The following ASIC2 variants were observed in gnomAD, a reference collection of about 807,000 sequenced individuals.
ASIC2 encodes acid-sensing ion channel 2.
Under a neutral mutation model 57.3 loss-of-function variants are expected in ASIC2, and 25 were observed. The observed-to-expected ratio is 0.44, with a 90% confidence interval of 0.32 to 0.61. The LOEUF (loss-of-function observed/expected upper bound fraction) is 0.61, where lower values mean the gene tolerates loss of function less well. Ranked by LOEUF, ASIC2 falls within the 20% of genes least tolerant of loss-of-function variation. The pLI, the probability that ASIC2 is intolerant of heterozygous loss-of-function variation, is 0.06. For missense variants in ASIC2, 641 were observed against 738.1 expected (o/e 0.87, Z 1.52); for synonymous variants, 319 against 307.5 (o/e 1.04, Z -0.39).
intron 1 of ASIC2, among the ~76,000 whole-genome samples, chr17:33,648,910 G>A (rs1001664622): frequency 2.6e-5 from 4 of 152,034 alleles, no homozygotes; most frequent in African/African-American, 4.8e-5. Flanking sequence ...GAAATAGAGG[G>A]GCTGTTCTTA....
At chr17:33,866,596 AATTTTATTCAACTCT>A (rs1468605303) in intron 1 of ASIC2, among the ~76,000 whole-genome samples, 1 of 152,166 alleles carries the variant, frequency 6.6e-6, no homozygotes, top group African/African-American at 2.4e-5. Flanking sequence ...TTCTTAAGTT[AATTTTATTCAACTCT>A]CTGATTCTTT....
chr17:33,082,184 C>T lies in ASIC2; in HGVS notation c.987+6679G>A, dbSNP rs144771942. ...TGTTTCTGAGGCTGTCAAATATAAA[C>T]CCAGGGCCAAGATTTCCAGGAAATT... On this transcript the variant is annotated intron_variant, in intron 3 of 9. Transcript: ENST00000225823. Among the ~76,000 whole-genome samples the T allele has an allele frequency of 9.9e-5, 15 of 152,054 alleles. No homozygotes were observed. The East Asian group carries it at 2.7e-3, about 28-fold the overall frequency.
intron 1 of ASIC2, among the ~76,000 whole-genome samples, chr17:33,290,158 C>G (rs1286535550): frequency 6.6e-6 from 1 of 152,236 alleles, no homozygotes; most frequent in Non-Finnish European, 1.5e-5. Flanking sequence ...GCCAGCAGGA[C>G]AAGATTGAAG....
intron 1 of ASIC2, among the ~76,000 whole-genome samples, chr17:33,149,701 A>G (rs1481930129): frequency 3.3e-5 from 5 of 152,226 alleles, no homozygotes; most frequent in African/African-American, 4.8e-5. Flanking sequence ...TTGAAAAAAA[A>G]ATTTGCCAAT....
At chr17:33,824,321 G>A (rs1036401437) in intron 1 of ASIC2, among the ~76,000 whole-genome samples, 1 of 152,106 alleles carries the variant, frequency 6.6e-6, no homozygotes, top group African/African-American at 2.4e-5. Flanking sequence ...TTGTGAAGAA[G>A]GAAATTAAAA....
chr17:33,021,356 A>C, intron 6 of ASIC2, 46 bp from the exon 7 acceptor site: 1 of 1,437,142 alleles, frequency 7.0e-7, no homozygotes, highest in Admixed American at 1.8e-5. Context: ...AGCTATCAGC[A>C]TTCACAGGGA....
intron 2 of ASIC2, among the ~76,000 whole-genome samples, chr17:33,091,492 C>G (rs1190959391): frequency 6.6e-6 from 1 of 151,996 alleles, no homozygotes; most frequent in Non-Finnish European, 1.5e-5. Flanking sequence ...AATCTTACAG[C>G]CAGTAAGACA....
chr17:34,042,213 T>A (rs768962936), intron 1 of ASIC2, among the ~76,000 whole-genome samples: 1 of 152,184 alleles, frequency 6.6e-6, no homozygotes, highest in Non-Finnish European at 1.5e-5. Flanking sequence ...CACAGCCCTT[T>A]CACCTCACAT....
chr17:33,430,687 C>T (rs948214764), intron 1 of ASIC2, among the ~76,000 whole-genome samples: 1 of 152,124 alleles, frequency 6.6e-6, no homozygotes, highest in African/African-American at 2.4e-5. Context: ...TCCAGTGTAA[C>T]CAGACATTGT....
intron 1 of ASIC2, among the ~76,000 whole-genome samples, chr17:33,471,507 T>A (rs1044888333): frequency 1.3e-5 from 2 of 152,238 alleles, no homozygotes; most frequent in African/African-American, 4.8e-5. Flanking sequence ...GTACTTGATT[T>A]GCTCACAGTT....
Position 33,355,097 on chromosome 17 carries a change from A to C in ASIC2, c.556-243030T>G, listed in dbSNP as rs184782905. On this transcript the variant is annotated intron_variant, in intron 1 of 9. Coordinates refer to the ASIC2 transcript ENST00000359872. The stretch of plus-strand genomic sequence containing the variant: ...GTGCTAATTGGTGCCAGATAAAACA[A>C]AAAGCAATGTGGATCACCTGAGATC... Among the ~76,000 whole-genome samples the C allele has an allele frequency of 2.9e-3, 447 of 152,270 alleles. 5 individuals are homozygous for C. Among genetic ancestry groups the C allele is most frequent in the Non-Finnish European group, 3.7e-3 (249 of 68,026 alleles).
At position 33,709,207 on chromosome 17, in the gene ASIC2, G is replaced by T. The variant is rs1646554114; in HGVS notation, c.555+446771C>A. Among the ~76,000 whole-genome samples, 3 of 152,090 alleles carry T rather than the reference G, an allele frequency of 2.0e-5. No individual in the cohort carries two copies. The South Asian group carries it at 6.2e-4, about 32-fold the overall frequency. Reference sequence around the variant, plus strand: ...CAACTGCCTGTTTCCCTCATTTCCAGTTTTTCCTCATAGTCTTCTTGAAAT... The same window carrying T: ...CAACTGCCTGTTTCCCTCATTTCCATTTTTTCCTCATAGTCTTCTTGAAAT... On this transcript the variant is annotated intron_variant, in intron 1 of 9. Transcript: ENST00000359872.
At chr17:33,860,176 A>G (rs1271752408) in intron 1 of ASIC2, among the ~76,000 whole-genome samples, 2 of 152,202 alleles carry the variant, frequency 1.3e-5, no homozygotes, top group Non-Finnish European at 1.5e-5. Flanking sequence ...TAAGAATAAA[A>G]TGAGATAAGG....
intron 1 of ASIC2, among the ~76,000 whole-genome samples, chr17:34,131,357 CA>C (rs1911952237): frequency 6.6e-6 from 1 of 152,140 alleles, no homozygotes; most frequent in African/African-American, 2.4e-5. Flanking sequence ...CTGAGTAGGC[CA>C]TTGTATTCCC....
At chr17:33,511,329 C>T (rs1421543156) in intron 1 of ASIC2, among the ~76,000 whole-genome samples, 1 of 152,160 alleles carries the variant, frequency 6.6e-6, no homozygotes, top group Non-Finnish European at 1.5e-5. Flanking sequence ...TCTCTTTTGG[C>T]TTTAGACACA....
chr17:34,044,625 G>A (rs1168619640), intron 1 of ASIC2, among the ~76,000 whole-genome samples: 8 of 152,304 alleles, frequency 5.3e-5, no homozygotes, highest in African/African-American at 1.7e-4. Flanking sequence ...GATCAGAAAA[G>A]TAAATACCAA....
intron 1 of ASIC2, among the ~76,000 whole-genome samples, chr17:33,508,269 G>A (rs986823187): frequency 7.9e-5 from 12 of 152,090 alleles, no homozygotes; most frequent in African/African-American, 2.7e-4. Flanking sequence ...TGTGGCTCAG[G>A]GATATAAAGA....
intron 1 of ASIC2, among the ~76,000 whole-genome samples, chr17:33,979,701 C>T (rs545316407): frequency 6.6e-6 from 1 of 152,244 alleles, no homozygotes; most frequent in South Asian, 2.1e-4. Flanking sequence ...CCATGTTGGC[C>T]ATTGTGAAAG....
At chr17:33,288,347 A>C (rs1479718637) in intron 1 of ASIC2, among the ~76,000 whole-genome samples, 2 of 152,268 alleles carry the variant, frequency 1.3e-5, no homozygotes, top group South Asian at 2.1e-4. Flanking sequence ...AAGGGGAGTT[A>C]CAGCAGCAGC....
Sources: allele counts gnomAD v4.1 joint callset (sites outside exome capture counted in the v4.1 genomes callset), GRCh38; gene constraint gnomAD v4.1.1; transcripts MANE v1.5; gene names NCBI Gene and HGNC (gene_info 2026-07-23, HGNC 2026-07-21).